The following FAM91A1 variants were observed in gnomAD, a reference collection of about 807,000 sequenced individuals.
FAM91A1 encodes the protein family with sequence similarity 91 member A1, also known as protein FAM91A1.
Under a neutral mutation model 113.5 loss-of-function variants are expected in FAM91A1, and 41 were observed. The ratio of observed to expected loss-of-function variants is 0.36; its 90% confidence interval spans 0.28 to 0.47. The LOEUF (loss-of-function observed/expected upper bound fraction) is 0.47, where lower values mean the gene tolerates loss of function less well. Ranked by LOEUF, FAM91A1 falls within the 20% of genes least tolerant of loss-of-function variation. The pLI is 1.00. For synonymous variants in FAM91A1, 307 were observed against 347.9 expected, an observed-to-expected ratio of 0.88 and a Z score of 1.31; for missense variants, 696 against 1,001.2, an observed-to-expected ratio of 0.70 and a Z score of 4.11.
chr8:123,798,678 A>T (rs187533844), intron 16 of FAM91A1, among the ~76,000 whole-genome samples: 19 of 152,304 alleles, frequency 1.2e-4, no homozygotes, highest in Admixed American at 1.3e-4. Context: ...ACTTTTACTT[A>T]AAAAATATAT....
intron 18 of FAM91A1, among the ~76,000 whole-genome samples, chr8:123,801,800 A>ATTT (rs201265186): frequency 6.8e-6 from 1 of 146,638 alleles, no homozygotes; most frequent in Admixed American, 6.8e-5. Context: ...CTGGGCAAGG[A>ATTT]TTTTTTTTTT....
At chr8:123,775,455 T>A (rs565827221) in intron 3 of FAM91A1, among the ~76,000 whole-genome samples, 157 bp downstream of exon 3, 9 of 152,320 alleles carry the variant, frequency 5.9e-5, no homozygotes, top group Non-Finnish European at 1.3e-4. Context: ...GTTAACTGTT[T>A]GAGCCACACT....
At chr8:123,794,787 A>G (rs929144654) in intron 15 of FAM91A1, among the ~76,000 whole-genome samples, 2 of 152,242 alleles carry the variant, frequency 1.3e-5, no homozygotes, top group African/African-American at 4.8e-5. Flanking sequence ...TCTCCCAAGA[A>G]GCGGAGAAAA....
chr8:123,772,053 G>T (rs1814859078), intron 1 of FAM91A1, among the ~76,000 whole-genome samples: 1 of 152,150 alleles, frequency 6.6e-6, no homozygotes, highest in Admixed American at 6.5e-5. Context: ...TGTGGGGTAG[G>T]AGTAGGAGGG....
intron 14 of FAM91A1, 79 bp from the exon 15 acceptor site, chr8:123,789,534 T>C: frequency 6.3e-7 from 1 of 1,582,408 alleles, no homozygotes; most frequent in Non-Finnish European, 8.6e-7. Context: ...TAATGTCTTA[T>C]ATCTCTATTA....
intron 2 of FAM91A1, 38 bp downstream of exon 2, chr8:123,774,202 C>T (rs1251506121): frequency 2.8e-6 from 4 of 1,436,176 alleles, no homozygotes; most frequent in Non-Finnish European, 3.8e-6. Flanking sequence ...TGGAACTGAC[C>T]ACTACTCTTT....
chr8:123,800,410 A>G (rs1163348777), intron 18 of FAM91A1, among the ~76,000 whole-genome samples: 1 of 152,204 alleles, frequency 6.6e-6, no homozygotes, highest in Non-Finnish European at 1.5e-5. Flanking sequence ...ATACCTCGTT[A>G]TACTATACTC....
At chr8:123,795,828 C>A (rs1346450970) in intron 15 of FAM91A1, among the ~76,000 whole-genome samples, 2 of 152,154 alleles carry the variant, frequency 1.3e-5, no homozygotes, top group Non-Finnish European at 2.9e-5. Context: ...AGGCTTACTA[C>A]TGTTTTGTGC....
chr8:123,794,574 G>A (rs1815463079), intron 15 of FAM91A1, among the ~76,000 whole-genome samples: 1 of 152,180 alleles, frequency 6.6e-6, no homozygotes, highest in South Asian at 2.1e-4. Flanking sequence ...CTCAAGTGTT[G>A]TATCTACTTG....
intron 18 of FAM91A1, among the ~76,000 whole-genome samples, chr8:123,803,237 GTT>G (rs34024144): frequency 2.8e-4 from 40 of 145,184 alleles, no homozygotes; most frequent in African/African-American, 7.0e-4. Context: ...GCTAAGTTAG[GTT>G]TTTTTTTTTT....
intron 18 of FAM91A1, 83 bp from the exon 19 acceptor site, chr8:123,805,184 T>A: frequency 9.1e-7 from 1 of 1,104,094 alleles, no homozygotes; most frequent in Non-Finnish European, 1.3e-6. Context: ...TACCATTACA[T>A]GACACAATCT....
chr8:123,782,502 C>T (rs1481304905), intron 8 of FAM91A1, among the ~76,000 whole-genome samples: 1 of 152,066 alleles, frequency 6.6e-6, no homozygotes, highest in South Asian at 2.1e-4. Flanking sequence ...ATGAAAGGCT[C>T]TATTATTAAA....
At chr8:123,769,005 C>T (rs1814775332) in intron 1 of FAM91A1, among the ~76,000 whole-genome samples, 1 of 152,216 alleles carries the variant, frequency 6.6e-6, no homozygotes, top group Admixed American at 6.5e-5. Context: ...GTCCACAGGA[C>T]TCGACTGGCG....
intron 19 of FAM91A1, 123 bp downstream of exon 19, chr8:123,805,462 A>G (rs1316591566): frequency 5.1e-6 from 4 of 776,828 alleles, no homozygotes; most frequent in Admixed American, 5.6e-5. Flanking sequence ...GTTCTTTGCT[A>G]CTAAAGAGTG....
chr8:123,787,505 T>C (rs1436972635), intron 13 of FAM91A1, 132 bp downstream of exon 13: 1 of 987,460 alleles, frequency 1.0e-6, no homozygotes, highest in East Asian at 2.6e-5. Context: ...AGGAGTATAA[T>C]AACTTTCAGG....
intron 11 of FAM91A1, 125 bp from the exon 12 acceptor site, chr8:123,786,370 T>A: frequency 5.7e-6 from 4 of 700,240 alleles, no homozygotes; most frequent in Non-Finnish European, 9.8e-6. Context: ...CGACTTAATT[T>A]TGGGCTTGAA....
chr8:123,774,801 C>T (rs1814940232), intron 2 of FAM91A1, among the ~76,000 whole-genome samples: 1 of 152,118 alleles, frequency 6.6e-6, no homozygotes, highest in Non-Finnish European at 1.5e-5. Context: ...GACTTGACTT[C>T]ATTGAAAACG....
intron 18 of FAM91A1, among the ~76,000 whole-genome samples, 187 bp from the exon 19 acceptor site, chr8:123,805,080 C>T (rs1815771036): frequency 6.6e-6 from 1 of 152,062 alleles, no homozygotes; most frequent in Non-Finnish European, 1.5e-5. Flanking sequence ...GAAACATTGC[C>T]TTATAGATTA....
intron 20 of FAM91A1, among the ~76,000 whole-genome samples, chr8:123,807,077 A>G (rs1244857766): frequency 1.3e-5 from 2 of 152,034 alleles, no homozygotes. Flanking sequence ...GTATTCCATG[A>G]GCCTCTTAGT....
Sources: allele counts gnomAD v4.1 joint callset (sites outside exome capture counted in the v4.1 genomes callset), GRCh38; gene constraint gnomAD v4.1.1; transcripts MANE v1.5; gene names NCBI Gene and HGNC (gene_info 2026-07-23, HGNC 2026-07-21).